HEATR5B: variants seen among roughly 807,000 people sequenced by gnomAD.
HEATR5B encodes HEAT repeat-containing protein 5B.
HEATR5B carries 156 observed loss-of-function variants against 224.1 expected under a neutral mutation model. The observed-to-expected ratio is 0.70, with a 90% CI of 0.61 to 0.80. The LOEUF (loss-of-function observed/expected upper bound fraction) is 0.80, where lower values mean the gene tolerates loss of function less well. Among genes scored for constraint, HEATR5B ranks in the 30% least tolerant of loss-of-function variants. HEATR5B has a pLI of 0.00. For missense variants in HEATR5B, 2,323 were observed against 2,535.5 expected (o/e 0.92, Z 1.80); for synonymous variants, 1,027 against 893.0 (o/e 1.15, Z -2.68).
chr2:37,082,540 C>T (rs1672651718), intron 2 of HEATR5B, among the ~76,000 whole-genome samples: 1 of 152,198 alleles, frequency 6.6e-6, no homozygotes, highest in Non-Finnish European at 1.5e-5. Flanking sequence ...GCAAGGAACA[C>T]CTGGCCTGAA....
At chr2:37,013,520 A>T (rs939563743) in intron 27 of HEATR5B, among the ~76,000 whole-genome samples, 3 of 152,018 alleles carry the variant, frequency 2.0e-5, no homozygotes, top group Non-Finnish European at 4.4e-5. Flanking sequence ...CCCTACCTTT[A>T]AAAAAAAGAA....
Position 37,003,534 on chromosome 2 carries a change from G to C in HEATR5B, c.5050+8C>G. 3 of 1,576,290 alleles carry C rather than the reference G, an allele frequency of 1.9e-6. No homozygotes were observed. Among genetic ancestry groups the C allele is most frequent in the Non-Finnish European group, 2.6e-6 (3 of 1,157,202 alleles). On this transcript the variant is annotated splice_region_variant and intron_variant, in intron 31 of 35. Transcript: ENST00000233099. ...TTACTTCAAGTTAGTGTAATTTCTA[G>C]TGCTTACTTAGAGTGTTTCTTTTCT...
chr2:37,078,345 T>C (rs1027087346), intron 3 of HEATR5B, among the ~76,000 whole-genome samples: 7 of 152,324 alleles, frequency 4.6e-5, no homozygotes, highest in East Asian at 1.9e-4. Context: ...AAATTTAAAA[T>C]GACTGGCATC....
rs900826806 is a variant in HEATR5B, at chr2:37,003,765, T to C, written c.4906-79A>G. On this transcript the variant is annotated intron_variant, in intron 30 of 35. Transcript: ENST00000233099. The stretch of plus-strand genomic sequence containing the variant: ...TTTATATTGTTAAAATCTGAGAAAA[T>C]ACCTATGTAAAAAAAGAAATCAGGT... 13 of 984,310 alleles carry C rather than the reference T, an allele frequency of 1.3e-5. No homozygotes were observed. In the African/African-American group the frequency reaches 1.8e-4, roughly 14 times the overall value. 61.0% of individuals were successfully genotyped at this position (984,310 alleles called of 1,614,324 possible). A position where few individuals can be genotyped will look rare whatever the true frequency, so the allele number is the denominator to read the frequency against.
chr2:37,006,189 A>C (rs1268277620), intron 29 of HEATR5B, among the ~76,000 whole-genome samples: 1 of 152,236 alleles, frequency 6.6e-6, no homozygotes, highest in Non-Finnish European at 1.5e-5. Flanking sequence ...AACTGCTTTT[A>C]ATTTACATAG....
intron 26 of HEATR5B, among the ~76,000 whole-genome samples, chr2:37,015,114 T>C (rs1222953875): frequency 6.6e-6 from 1 of 152,222 alleles, no homozygotes; most frequent in Non-Finnish European, 1.5e-5. Flanking sequence ...AGGGAAAGAT[T>C]AATTCTAGCA....
chr2:37,057,322 C>T lies in HEATR5B; in HGVS notation c.2218G>A (p.Asp740Asn), dbSNP rs113471876. Residue 740 changes from aspartate (D) to asparagine (N), a missense_variant, in exon 15 of 36, where the codon GAC becomes AAC. Transcript: ENST00000233099. Reference sequence around the variant, plus strand: ...TTTTCCTCTATGTTTATTACCTGGTCTTCAATTGATTTATGATCAGTTTCC... The same window carrying T: ...TTTTCCTCTATGTTTATTACCTGGTTTTCAATTGATTTATGATCAGTTTCC... ...LQETDHKSIE[D>N]QLQPNSASGS... is the part of the protein sequence containing the mutation. The T allele has an allele frequency of 6.3e-7, 1 of 1,599,886 alleles. No individual in the cohort carries two copies. Among genetic ancestry groups the T allele is most frequent in the South Asian group, 1.1e-5 (1 of 87,886 alleles).
intron 35 of HEATR5B, among the ~76,000 whole-genome samples, chr2:36,984,629 A>G (rs1665826217): frequency 6.6e-6 from 1 of 152,168 alleles, no homozygotes; most frequent in South Asian, 2.1e-4. Flanking sequence ...AGTGAAAATA[A>G]TATGAACAAT....
At chr2:37,049,624 G>C in intron 18 of HEATR5B, 29 bp downstream of exon 18, 5 of 1,583,102 alleles carry the variant, frequency 3.2e-6, no homozygotes, top group South Asian at 2.3e-5. Context: ...GCCTACACAT[G>C]AAACTTGTTA....
intron 4 of HEATR5B, 152 bp from the exon 5 acceptor site, chr2:37,075,786 G>T: frequency 2.1e-6 from 1 of 481,748 alleles, no homozygotes; most frequent in Non-Finnish European, 3.6e-6. Context: ...AAGTATTCTA[G>T]AAAGTACCTG....
At chr2:37,029,923 G>C (rs1343102105) in intron 22 of HEATR5B, among the ~76,000 whole-genome samples, 2 of 119,054 alleles carry the variant, frequency 1.7e-5, no homozygotes, top group South Asian at 4.9e-4. Flanking sequence ...GGGTGATAGA[G>C]ACTCTATCTC....
rs372053817 is a variant in HEATR5B at position 37,017,513 on chromosome 2, C to T, written c.4104+2296G>A. Among the ~76,000 whole-genome samples the T allele has an allele frequency of 4.0e-5, 6 of 151,474 alleles. No homozygotes were observed. In the East Asian group the frequency reaches 7.7e-4, roughly 20 times the overall value. On this transcript the variant is annotated intron_variant, in intron 26 of 35. Transcript: ENST00000233099. ...CAGCCTGGCCAACATGATGCAACCC[C>T]GTCTCTACTAAAAATACAAAAAATT... is the stretch of plus-strand genomic sequence containing the variant.
At chr2:37,023,943 T>C (rs767387943) in intron 24 of HEATR5B, among the ~76,000 whole-genome samples, 2 of 152,162 alleles carry the variant, frequency 1.3e-5, no homozygotes, top group Non-Finnish European at 2.9e-5. Context: ...ACTAAGTATG[T>C]TGAAGAGATA....
chr2:37,009,806 G>C (rs1157134332), intron 27 of HEATR5B, among the ~76,000 whole-genome samples: 1 of 148,798 alleles, frequency 6.7e-6, no homozygotes, highest in Non-Finnish European at 1.5e-5. Context: ...TTTGCCACAG[G>C]GTATAACTCT....
In HEATR5B at chr2:37,028,936, T is replaced by TA. The variant is rs1668949733; in HGVS notation, c.3362-17dup. The TA allele has an allele frequency of 4.3e-6, 7 of 1,611,600 alleles. No individual in the cohort carries two copies. The highest frequency in any genetic ancestry group is 5.1e-6 in the Non-Finnish European group (6 of 1,178,406). On this transcript the variant is annotated splice_polypyrimidine_tract_variant and intron_variant, in intron 22 of 35. Coordinates refer to ENST00000233099, the MANE Select transcript of HEATR5B (RefSeq NM_019024.3). ...GGACTGACATCTGAAAGGTAATTTT[T>TA]ACAAATGAATTTGTATGGTATTTTG...
At chr2:37,039,388 C>T (rs967839149) in intron 20 of HEATR5B, among the ~76,000 whole-genome samples, 1 of 152,004 alleles carries the variant, frequency 6.6e-6, no homozygotes, top group Non-Finnish European at 1.5e-5. Flanking sequence ...ATCGCTTGAA[C>T]TCAGGAAGCA....
intron 20 of HEATR5B, among the ~76,000 whole-genome samples, chr2:37,040,021 G>GAT (rs1325442035): frequency 6.6e-6 from 1 of 152,180 alleles, no homozygotes; most frequent in African/African-American, 2.4e-5. Context: ...AAGACATGTG[G>GAT]ATAGCACTCT....
intron 27 of HEATR5B, among the ~76,000 whole-genome samples, chr2:37,013,282 G>T (rs891744551): frequency 1.3e-5 from 2 of 152,180 alleles, no homozygotes; most frequent in African/African-American, 2.4e-5. Flanking sequence ...CAGATGATAA[G>T]AATTCAATAG....
chr2:37,051,039 C>T (rs908088074), intron 17 of HEATR5B, among the ~76,000 whole-genome samples: 2 of 151,232 alleles, frequency 1.3e-5, no homozygotes, highest in Non-Finnish European at 1.5e-5. Flanking sequence ...AGTGAGACTC[C>T]GTCTCCAAAA....
Sources: allele counts gnomAD v4.1 joint callset (sites outside exome capture counted in the v4.1 genomes callset), GRCh38; gene constraint gnomAD v4.1.1; transcripts MANE v1.5; gene names NCBI Gene and HGNC (gene_info 2026-07-23, HGNC 2026-07-21).